The following ADCY5 variants were observed in gnomAD, a reference collection of about 807,000 sequenced individuals.
ADCY5 encodes adenylate cyclase type 5.
A neutral mutation model predicts 119.7 loss-of-function variants in ADCY5; 30 were observed. The ratio of observed to expected loss-of-function variants is 0.25; its 90% CI spans 0.19 to 0.34. The LOEUF is 0.34. Ranked by LOEUF, ADCY5 falls within the 10% of genes least tolerant of loss-of-function variation. The pLI is 1.00. For missense variants in ADCY5, 1,324 were observed against 1,775.2 expected (o/e 0.75, Z 4.57); for synonymous variants, 753 against 762.2 (o/e 0.99, Z 0.20).
chr3:123,447,001 T>C (rs1945828422), intron 1 of ADCY5, among the ~76,000 whole-genome samples: 1 of 152,104 alleles, frequency 6.6e-6, no homozygotes, highest in African/African-American at 2.4e-5. Flanking sequence ...CAGGGCTGGA[T>C]TAACAAAGCA....
At chr3:123,430,969 C>CATCT (rs1015728889) in intron 1 of ADCY5, among the ~76,000 whole-genome samples, 62 of 152,048 alleles carry the variant, frequency 4.1e-4, no homozygotes, top group Non-Finnish European at 6.5e-4. Flanking sequence ...AAGCCCCATC[C>CATCT]TTTCCTCACC....
chr3:123,417,537 C>G (rs544604006), intron 1 of ADCY5, among the ~76,000 whole-genome samples: 12 of 152,364 alleles, frequency 7.9e-5, no homozygotes, highest in Non-Finnish European at 1.6e-4. Flanking sequence ...CAAGTCCTTA[C>G]TAAATGTCCA....
intron 17 of ADCY5, among the ~76,000 whole-genome samples, chr3:123,294,780 G>A (rs1939396627): frequency 6.6e-6 from 1 of 152,222 alleles, no homozygotes; most frequent in Non-Finnish European, 1.5e-5. Flanking sequence ...GGTGCGCAGG[G>A]ATGACGCAGG....
chr3:123,425,230 G>T (rs1185070733), intron 1 of ADCY5, among the ~76,000 whole-genome samples: 6 of 152,214 alleles, frequency 3.9e-5, no homozygotes, highest in East Asian at 1.9e-4. Flanking sequence ...CCAAAGGAAT[G>T]TTCTGGACAT....
chr3:123,314,541 C>T (rs556598293), intron 11 of ADCY5, among the ~76,000 whole-genome samples: 23 of 152,346 alleles, frequency 1.5e-4, no homozygotes, highest in Non-Finnish European at 1.8e-4. Flanking sequence ...AGGGCTTACA[C>T]GGCCTTGCAG....
chr3:123,390,834 C>T (rs570779690), intron 1 of ADCY5, among the ~76,000 whole-genome samples: 83 of 152,224 alleles, frequency 5.5e-4, no homozygotes, highest in Non-Finnish European at 1.0e-3. Context: ...TCTGCATCCC[C>T]GAGGGTTCAT....
intron 1 of ADCY5, among the ~76,000 whole-genome samples, chr3:123,386,093 CT>C (rs1944211849): frequency 6.6e-6 from 1 of 152,188 alleles, no homozygotes; most frequent in South Asian, 2.1e-4. Flanking sequence ...AGATGCAGCT[CT>C]CCTCAGAACT....
intron 1 of ADCY5, among the ~76,000 whole-genome samples, chr3:123,439,758 A>G (rs1945691103): frequency 6.6e-6 from 1 of 152,224 alleles, no homozygotes; most frequent in African/African-American, 2.4e-5. Context: ...CCTCAGAGCC[A>G]CAACCCGTCA....
chr3:123,377,973 T>C (rs9883204), intron 1 of ADCY5, among the ~76,000 whole-genome samples: 110,689 of 148,634 alleles, frequency 0.74, 41,467 homozygotes, highest in East Asian at 1. Context: ...CATGAATGAA[T>C]GGATACATGA....
intron 1 of ADCY5, among the ~76,000 whole-genome samples, chr3:123,421,231 G>C (rs1044512667): frequency 6.6e-6 from 1 of 152,124 alleles, no homozygotes; most frequent in African/African-American, 2.4e-5. Context: ...GTAAATCTTC[G>C]TAGGGTTTAC....
chr3:123,391,391 T>C (rs995183246), intron 1 of ADCY5, among the ~76,000 whole-genome samples: 1 of 152,062 alleles, frequency 6.6e-6, no homozygotes, highest in Non-Finnish European at 1.5e-5. Context: ...CAAGTGCAGC[T>C]TGGACAAAAC....
chr3:123,291,517 G>A lies in ADCY5; in HGVS notation c.3064-141C>T, dbSNP rs149800811. ...TGTGCCCAGGATGTTGGCAAGTACC[G>A]CTGTCTCTCCTCCTCTCTCTGCTGT... On this transcript the variant is annotated intron_variant, in intron 17 of 20. Transcript: ENST00000462833. 138 of 994,712 alleles carry A rather than the reference G, an allele frequency of 1.4e-4. No homozygotes were observed. The East Asian group carries it at 2.6e-3, about 19-fold the overall frequency. 61.6% of individuals were successfully genotyped at this position (994,712 alleles called of 1,614,324 possible).
chr3:123,356,045 G>C (rs1299345084), intron 1 of ADCY5, among the ~76,000 whole-genome samples: 1 of 152,148 alleles, frequency 6.6e-6, no homozygotes, highest in Non-Finnish European at 1.5e-5. Context: ...CAATTCAGTA[G>C]AAGAAGAGCA....
Position 123,284,403 on chromosome 3 carries a change from C to T in ADCY5, c.*205G>A, listed in dbSNP as rs559559310. On this transcript the variant is annotated 3_prime_UTR_variant, in exon 21 of 21. Coordinates refer to ENST00000462833, the MANE Select transcript of ADCY5 (RefSeq NM_183357.3). ...GGAAACATCTTTGGTCAGCTGGGTG[C>T]TCGCAGGACGCTGGCACCCCGGGGC... 19 of 697,830 alleles carry T rather than the reference C, an allele frequency of 2.7e-5. No homozygotes were observed. Among genetic ancestry groups the T allele is most frequent in the Non-Finnish European group, 2.8e-5 (12 of 431,382 alleles). The allele number at this position is 697,830 out of a possible 1,614,324, so 43.2% of individuals were successfully genotyped here.
intron 1 of ADCY5, among the ~76,000 whole-genome samples, chr3:123,366,194 T>A (rs1943431547): frequency 6.6e-6 from 1 of 152,266 alleles, no homozygotes; most frequent in Admixed American, 6.5e-5. Flanking sequence ...GCTGGAAGGA[T>A]ATATGTGACT....
At position 123,396,719 on chromosome 3, in the gene ADCY5, AAGGG is replaced by A. The variant is rs1324897895; in HGVS notation, c.1135-44142_1135-44139del. Among the ~76,000 whole-genome samples, 822 of 122,446 alleles carry A rather than the reference AAGGG, an allele frequency of 6.7e-3. 19 individuals carry two copies. Among genetic ancestry groups the A allele is most frequent in the African/African-American group, 0.025 (758 of 29,770 alleles). 80.3% of individuals were successfully genotyped at this position (122,446 alleles called of 152,430 possible). A position where few individuals can be genotyped will look rare whatever the true frequency, so the allele number is the denominator to read the frequency against. The stretch of plus-strand genomic sequence containing the variant: ...GAGAGAGAGGGAGGGAGGGAGAGAG[AAGGG>A]AGGGAGGAAGGAAGGAAGGAAGGAA... On this transcript the variant is annotated intron_variant, in intron 1 of 20. Transcript: ENST00000462833.
At chr3:123,390,722 G>A (rs58970041) in intron 1 of ADCY5, among the ~76,000 whole-genome samples, 9,836 of 152,234 alleles carry the variant, frequency 0.065, 783 homozygotes, top group East Asian at 0.25. Context: ...GGGCCATCAA[G>A]GCTGCAGGTG....
intron 1 of ADCY5, among the ~76,000 whole-genome samples, chr3:123,361,293 C>T (rs183665701): frequency 1.3e-5 from 2 of 152,302 alleles, no homozygotes; most frequent in East Asian, 3.9e-4. Context: ...CCAAGTCTTA[C>T]TCTAGTGTAG....
intron 1 of ADCY5, among the ~76,000 whole-genome samples, chr3:123,432,592 G>A (rs572811436): frequency 6.6e-5 from 10 of 151,956 alleles, no homozygotes; most frequent in African/African-American, 2.4e-4. Flanking sequence ...GTGCAGTGGC[G>A]CGATCACAGC....
Sources: gnomAD v4.1 joint callset for allele counts (sites outside exome capture counted in the v4.1 genomes callset) on GRCh38, gnomAD v4.1.1 for gene constraint, MANE v1.5 for transcripts, NCBI Gene and HGNC (gene_info 2026-07-23, HGNC 2026-07-21) for gene names.